INO80: variants seen among roughly 807,000 people sequenced by gnomAD.
The protein encoded by INO80 is INO80 complex ATPase subunit.
INO80 carries 20 observed loss-of-function variants against 203.4 expected under a neutral mutation model. That is an observed-to-expected ratio of 0.10 (90% CI 0.07 to 0.14). The LOEUF (loss-of-function observed/expected upper bound fraction) is 0.14. Ranked by LOEUF, INO80 falls within the 10% of genes least tolerant of loss-of-function variation. INO80 has a pLI of 1.00. For synonymous variants in INO80, 726 were observed against 685.2 expected (o/e 1.06, Z -0.93); for missense variants, 1,419 against 1,914.4 (o/e 0.74, Z 4.83).
intron 19 of INO80, 109 bp downstream of exon 19, chr15:41,053,820 G>T: frequency 1.4e-6 from 1 of 701,726 alleles, no homozygotes; most frequent in Non-Finnish European, 2.3e-6. Context: ...AAGTTTAAAC[G>T]TCTTCCTTCA....
At chr15:41,093,194 A>C (rs1156372138) in intron 4 of INO80, among the ~76,000 whole-genome samples, 1 of 152,074 alleles carries the variant, frequency 6.6e-6, no homozygotes, top group South Asian at 2.1e-4. Context: ...CGGGAGGCTG[A>C]GGCGGGGGGA....
At chr15:41,026,847 T>C (rs765868685) in intron 25 of INO80, among the ~76,000 whole-genome samples, 8 of 152,208 alleles carry the variant, frequency 5.3e-5, no homozygotes, top group South Asian at 4.1e-4. Flanking sequence ...ATGGAAGATG[T>C]AGGCAAAGTA....
Position 41,085,441 on chromosome 15 carries a change from G to A in INO80, c.801C>T (p.His267=). 1.9e-6 allele frequency: 3 copies of A among 1,614,188 alleles called. No homozygotes were observed. Among genetic ancestry groups the A allele is most frequent in the Non-Finnish European group, 2.5e-6 (3 of 1,180,036 alleles). ...DAPPPGTKKK[H]LSIEQLNARR... ...GAGCATTCAGCTGCTCAATGGATAA[G>A]TGCTTTTTCTTAGTGCCAGGGGGAG... The change falls in exon 7 of 36, where the codon CAC becomes CAT. Residue 267 remains histidine (H), a synonymous_variant. Coordinates refer to ENST00000648947, the MANE Select transcript of INO80 (RefSeq NM_017553.3).
intron 1 of INO80, among the ~76,000 whole-genome samples, chr15:41,104,818 G>C (rs910362538): frequency 2.0e-5 from 3 of 152,084 alleles, no homozygotes; most frequent in Non-Finnish European, 4.4e-5. Flanking sequence ...GGAATTACAG[G>C]TGTGAGCCAC....
chr15:41,116,093 G>A lies in INO80; in HGVS notation c.-164C>T, dbSNP rs1012496331. 1.3e-4 allele frequency: 50 copies of A among 396,982 alleles called. No individual in the cohort carries two copies. Among genetic ancestry groups the A allele is most frequent in the Admixed American group, 2.6e-4 (6 of 22,648 alleles). 24.6% of individuals were successfully genotyped at this position (396,982 alleles called of 1,614,324 possible). ...CCGCGGTTCGCTCTCTGAGGCCGTG[G>A]GACGGTGACTGCGTTGGGCGTGGAC... On this transcript the variant is annotated 5_prime_UTR_variant, in exon 1 of 36. Coordinates refer to ENST00000648947, the MANE Select transcript of INO80 (RefSeq NM_017553.3).
intron 10 of INO80, among the ~76,000 whole-genome samples, chr15:41,074,117 C>T (rs1004742411): frequency 6.6e-6 from 1 of 152,142 alleles, no homozygotes; most frequent in African/African-American, 2.4e-5. Flanking sequence ...GTTATTTCTA[C>T]TAACAAATCA....
At chr15:41,065,988 CTTTTTTTTT>C (rs1175524125) in intron 14 of INO80, among the ~76,000 whole-genome samples, 2 of 127,272 alleles carry the variant, frequency 1.6e-5, no homozygotes, top group Non-Finnish European at 3.4e-5. Flanking sequence ...CTACATTGTA[CTTTTTTTTT>C]TTTTTTTTTT....
intron 11 of INO80, among the ~76,000 whole-genome samples, chr15:41,072,368 T>C (rs1029619613): frequency 2.0e-5 from 3 of 152,002 alleles, no homozygotes; most frequent in Non-Finnish European, 4.4e-5. Flanking sequence ...ATTTTTTACT[T>C]AATTCAACCT....
chr15:41,071,027 G>A (rs551138735), intron 12 of INO80, among the ~76,000 whole-genome samples: 43 of 152,192 alleles, frequency 2.8e-4, no homozygotes, highest in African/African-American at 1.0e-3. Context: ...AAATTAGTCA[G>A]GCGTGGTGGC....
At position 41,012,561 on chromosome 15, in the gene INO80, T is replaced by TAAAAAA. The variant is rs71104767; in HGVS notation, c.3402+3521_3402+3526dup. ...CTGGGTGACAGAGCGAGACTCTTTT[T>TAAAAAA]AAAAAAAAAAAAAAAAGATCCTATA... On this transcript the variant is annotated intron_variant, in intron 27 of 35. Coordinates refer to ENST00000648947, the MANE Select transcript of INO80 (RefSeq NM_017553.3). 3.7e-4 allele frequency among the ~76,000 whole-genome samples: 34 copies of TAAAAAA among 90,844 alleles called. 1 individual carries two copies. Among genetic ancestry groups the TAAAAAA allele is most frequent in the African/African-American group, 1.1e-3 (27 of 24,204 alleles). The allele number at this position is 90,844 out of a possible 152,430, so 59.6% of individuals were successfully genotyped here. A position where few individuals can be genotyped will look rare whatever the true frequency, so the allele number is the denominator to read the frequency against.
chr15:41,082,578 G>A (rs2045501659), intron 7 of INO80, among the ~76,000 whole-genome samples: 1 of 152,056 alleles, frequency 6.6e-6, no homozygotes, highest in Non-Finnish European at 1.5e-5. Context: ...GCAGGCGCCT[G>A]TAATCCCAGC....
rs2140427360 is a variant in INO80, at chr15:40,997,615, A to AAATATGTTAAAG, written c.3498-15_3498-14insCTTTAACATATT. On this transcript the variant is annotated splice_polypyrimidine_tract_variant and intron_variant, in intron 28 of 35. Transcript: ENST00000648947. ...AAGATGTCATTCCTGCAGAAAAGGG[A>AAATATGTTAAAG]GAGATATGTTAAAGGAAAAACTGAA... 1.3e-6 allele frequency: 2 copies of AAATATGTTAAAG among 1,592,730 alleles called. No homozygotes were observed. Among genetic ancestry groups the AAATATGTTAAAG allele is most frequent in the Non-Finnish European group, 8.6e-7 (1 of 1,160,740 alleles).
At chr15:41,066,360 T>C (rs1468073869) in intron 14 of INO80, among the ~76,000 whole-genome samples, 2 of 152,010 alleles carry the variant, frequency 1.3e-5, no homozygotes, top group South Asian at 4.2e-4. Flanking sequence ...AAGGTCTACG[T>C]TGGCAAGGCT....
intron 7 of INO80, among the ~76,000 whole-genome samples, chr15:41,082,629 G>A (rs1262659657): frequency 5.3e-5 from 8 of 151,872 alleles, no homozygotes; most frequent in South Asian, 2.1e-4. Flanking sequence ...GCTTGAACCC[G>A]GGAGGTGGAG....
chr15:41,022,989 T>G (rs1434696585), intron 25 of INO80, among the ~76,000 whole-genome samples: 3 of 151,064 alleles, frequency 2.0e-5, no homozygotes, highest in Non-Finnish European at 4.4e-5. Context: ...TAATCCCAGA[T>G]AGTTGGGAGG....
intron 25 of INO80, among the ~76,000 whole-genome samples, chr15:41,023,678 A>G (rs2044329130): frequency 6.7e-6 from 1 of 148,438 alleles, no homozygotes; most frequent in African/African-American, 2.5e-5. Flanking sequence ...CTGAGGTGGG[A>G]GAATCACTTG....
chr15:40,999,445 G>T (rs1404759437), intron 28 of INO80: 4 of 152,146 alleles, frequency 2.6e-5, no homozygotes, highest in Non-Finnish European at 5.9e-5. Flanking sequence ...ACTAAGGTAG[G>T]TATGTCCTGT....
At chr15:41,098,392 A>C (rs1354218843) in intron 1 of INO80, among the ~76,000 whole-genome samples, 1 of 152,190 alleles carries the variant, frequency 6.6e-6, no homozygotes, top group Admixed American at 6.5e-5. Flanking sequence ...AAATGAAGAC[A>C]AACTAGGCAC....
At chr15:41,053,871 C>A in intron 19 of INO80, 58 bp downstream of exon 19, 1 of 1,306,770 alleles carries the variant, frequency 7.7e-7, no homozygotes, top group Non-Finnish European at 1.1e-6. Flanking sequence ...ATTTCTCCCC[C>A]TGGAATCTTA....
Sources: gnomAD v4.1 joint callset for allele counts (sites outside exome capture counted in the v4.1 genomes callset) on GRCh38, gnomAD v4.1.1 for gene constraint, MANE v1.5 for transcripts, NCBI Gene and HGNC (gene_info 2026-07-23, HGNC 2026-07-21) for gene names.